The following AP1S3 variants were observed in gnomAD, a reference collection of about 807,000 sequenced individuals.
The protein encoded by AP1S3 is AP-1 complex subunit sigma-3.
A neutral mutation model predicts 20.9 loss-of-function variants in AP1S3; 10 were observed. The observed-to-expected ratio is 0.48, with a 90% CI of 0.29 to 0.81. AP1S3 has a LOEUF of 0.81. AP1S3 is among the 30% of genes least tolerant of loss of function. The pLI, the probability that AP1S3 is intolerant of heterozygous loss-of-function variation, is 0.08. For missense variants in AP1S3, 154 were observed against 183.8 expected (o/e 0.84, Z 0.94); for synonymous variants, 41 against 61.5 (o/e 0.67, Z 1.56).
intron 1 of AP1S3, 28 bp from the exon 2 acceptor site, chr2:223,777,897 C>A: frequency 1.3e-6 from 2 of 1,587,930 alleles, no homozygotes; most frequent in Non-Finnish European, 8.6e-7. Flanking sequence ...AAAAACAGAA[C>A]CTGATCAACC....
rs186511926 is a variant in AP1S3 at position 223,824,326 on chromosome 2, C to T, written c.3+13122G>A. ...CTATAGATGGTTTTTTAAAGATACA[C>T]AAAAATATCCAAAAATGATACATGA... On this transcript the variant is annotated intron_variant, in intron 1 of 4. Transcript: ENST00000396654. 2.2e-3 allele frequency among the ~76,000 whole-genome samples: 333 copies of T among 151,812 alleles called. 1 individual carries two copies. Among genetic ancestry groups the T allele is most frequent in the African/African-American group, 7.8e-3 (321 of 41,396 alleles).
chr2:223,766,390 C>G (rs1690479802), intron 3 of AP1S3, among the ~76,000 whole-genome samples: 3 of 152,186 alleles, frequency 2.0e-5, no homozygotes. Flanking sequence ...CCTGTTCACT[C>G]TGATGATACT....
Position 223,756,482 on chromosome 2 carries a change from GA to G in AP1S3, c.*2232del, listed in dbSNP as rs1212627209. 2.1e-5 allele frequency: 19 copies of G among 914,584 alleles called. No individual in the cohort carries two copies. Among genetic ancestry groups the G allele is most frequent in the Middle Eastern group, 1.1e-3 (2 of 1,824 alleles). 56.7% of individuals were successfully genotyped at this position (914,584 alleles called of 1,614,324 possible). A position where few individuals can be genotyped will look rare whatever the true frequency, so the allele number is the denominator to read the frequency against. ...GAAAGAAAGAAAAGAAAGAAAGAAA[GA>G]AAAAAAGAAAGAAAAAATTCTAACA... On this transcript the variant is annotated 3_prime_UTR_variant, in exon 5 of 5. Coordinates refer to ENST00000396654, the MANE Select transcript of AP1S3 (RefSeq NM_001039569.2).
At chr2:223,813,366 T>C (rs1313203042) in intron 1 of AP1S3, among the ~76,000 whole-genome samples, 3 of 152,240 alleles carry the variant, frequency 2.0e-5, no homozygotes. Context: ...ATTAATTTAC[T>C]GCTTTTGTAC....
chr2:223,768,302 A>G (rs1414966141), intron 3 of AP1S3, among the ~76,000 whole-genome samples: 1 of 151,882 alleles, frequency 6.6e-6, no homozygotes, highest in African/African-American at 2.4e-5. Flanking sequence ...AACCAAGCTC[A>G]TTTTTTCAAG....
chr2:223,808,280 A>G (rs758130098), intron 1 of AP1S3, among the ~76,000 whole-genome samples: 9 of 152,152 alleles, frequency 5.9e-5, no homozygotes, highest in African/African-American at 2.4e-5. Context: ...TCATTGGCAG[A>G]CATGAGGCAA....
chr2:223,827,046 C>G (rs1394350569), intron 1 of AP1S3, among the ~76,000 whole-genome samples: 1 of 152,176 alleles, frequency 6.6e-6, no homozygotes, highest in Non-Finnish European at 1.5e-5. Context: ...CCATCATACC[C>G]TTTCAAAGTT....
intron 1 of AP1S3, among the ~76,000 whole-genome samples, chr2:223,823,585 G>A (rs1692046414): frequency 6.6e-6 from 1 of 152,182 alleles, no homozygotes; most frequent in African/African-American, 2.4e-5. Flanking sequence ...CAGGAGCTGG[G>A]GGGACAGAGA....
chr2:223,757,506 T>G lies in AP1S3; in HGVS notation c.*1209A>C. 1.3e-6 allele frequency: 1 copy of G among 770,378 alleles called. No homozygotes were observed. The highest frequency in any genetic ancestry group is 5.9e-5 in the South Asian group (1 of 16,844). The allele number at this position is 770,378 out of a possible 1,614,324, so 47.7% of individuals were successfully genotyped here. A position where few individuals can be genotyped will look rare whatever the true frequency, so the allele number is the denominator to read the frequency against. On this transcript the variant is annotated 3_prime_UTR_variant, in exon 5 of 5. Transcript: ENST00000396654. ...TTTCATCATATTGGCCAGGCTGCTC[T>G]CGAACTCCTGACCTCAAGTGATCCA...
At chr2:223,776,261 T>C in intron 2 of AP1S3, 1 of 557,184 alleles carries the variant, frequency 1.8e-6, no homozygotes, top group Non-Finnish European at 3.5e-6. Context: ...GAAGAGCTAT[T>C]ATCAGGAGGA....
chr2:223,817,846 G>C (rs1691884337), intron 1 of AP1S3, among the ~76,000 whole-genome samples: 1 of 151,660 alleles, frequency 6.6e-6, no homozygotes, highest in South Asian at 2.1e-4. Flanking sequence ...CTTCCCAGGA[G>C]ACCTTTTTCC....
chr2:223,797,116 C>T lies in AP1S3; in HGVS notation c.4-19247G>A, dbSNP rs73991866. On this transcript the variant is annotated intron_variant, in intron 1 of 4. Transcript: ENST00000396654. The stretch of plus-strand genomic sequence containing the variant: ...CACCAGTTTCTACGCACAGTCATAG[C>T]ACCAGTTAGTGGGGATCGGAAGGCA... Among the ~76,000 whole-genome samples the T allele has an allele frequency of 5.3e-3, 814 of 152,304 alleles. 5 individuals carry two copies. The highest frequency in any genetic ancestry group is 0.024 in the Middle Eastern group (7 of 294).
chr2:223,780,266 A>T (rs1690888962), intron 1 of AP1S3, among the ~76,000 whole-genome samples: 1 of 124,066 alleles, frequency 8.1e-6, no homozygotes. Context: ...GTGCACCACC[A>T]TGCCTGGCTA....
At chr2:223,768,080 C>T (rs77492075) in intron 3 of AP1S3, among the ~76,000 whole-genome samples, 1,733 of 152,260 alleles carry the variant, frequency 0.011, 13 homozygotes, top group Non-Finnish European at 0.018. Flanking sequence ...TTGTGCCTCT[C>T]CAGTGTAAGG....
At chr2:223,830,440 C>CTGCACTCCA (rs1452123553) in intron 1 of AP1S3, among the ~76,000 whole-genome samples, 1 of 146,434 alleles carries the variant, frequency 6.8e-6, no homozygotes, top group Admixed American at 7.0e-5. Flanking sequence ...GATTACGCCA[C>CTGCACTCCA]TGCACTCCAG....
intron 1 of AP1S3, among the ~76,000 whole-genome samples, chr2:223,789,835 CA>C (rs35429659): frequency 0.43 from 52,412 of 120,552 alleles, 11,156 homozygotes; most frequent in African/African-American, 0.61. Context: ...AAGACTCTAT[CA>C]AAAAAAAAAA....
At chr2:223,825,318 A>AAAAG (rs1168235205) in intron 1 of AP1S3, among the ~76,000 whole-genome samples, 2 of 151,588 alleles carry the variant, frequency 1.3e-5, no homozygotes, top group Non-Finnish European at 2.9e-5. Context: ...GTCTCAAAAA[A>AAAAG]AAAAGAAAAG....
intron 1 of AP1S3, among the ~76,000 whole-genome samples, chr2:223,801,218 T>C (rs1691458318): frequency 6.6e-6 from 1 of 152,198 alleles, no homozygotes; most frequent in African/African-American, 2.4e-5. Flanking sequence ...GTAGATACTA[T>C]TATTATTCCC....
chr2:223,795,339 T>C (rs1030883218), intron 1 of AP1S3, among the ~76,000 whole-genome samples: 4 of 152,208 alleles, frequency 2.6e-5, no homozygotes, highest in Non-Finnish European at 5.9e-5. Flanking sequence ...ACCAGCATGC[T>C]CTGGGTAGAA....
Sources: allele counts gnomAD v4.1 joint callset (sites outside exome capture counted in the v4.1 genomes callset), GRCh38; gene constraint gnomAD v4.1.1; transcripts MANE v1.5; gene names NCBI Gene and HGNC (gene_info 2026-07-23, HGNC 2026-07-21).